The following NCOR2 variants were observed in gnomAD, a reference collection of about 807,000 sequenced individuals.
NCOR2 encodes nuclear receptor corepressor 2.
A neutral mutation model predicts 262.9 loss-of-function variants in NCOR2; 81 were observed. The ratio of observed to expected loss-of-function variants is 0.31; its 90% CI spans 0.26 to 0.37. The LOEUF (loss-of-function observed/expected upper bound fraction) is 0.37, where lower values mean the gene tolerates loss of function less well. Ranked by LOEUF, NCOR2 falls within the 10% of genes least tolerant of loss-of-function variation. The pLI is 1.00. For missense variants in NCOR2, 3,385 were observed against 3,621.4 expected (o/e 0.93, Z 1.68); for synonymous variants, 1,659 against 1,559.3 (o/e 1.06, Z -1.51).
chr12:124,384,174 C>A (rs1289396120), intron 17 of NCOR2, among the ~76,000 whole-genome samples: 2 of 152,256 alleles, frequency 1.3e-5, no homozygotes, highest in Non-Finnish European at 2.9e-5. Flanking sequence ...AGACTCCTGA[C>A]CTGGCTGACA....
intron 1 of NCOR2, among the ~76,000 whole-genome samples, chr12:124,505,312 TC>T (rs2048985534): frequency 6.6e-6 from 1 of 151,374 alleles, no homozygotes; most frequent in South Asian, 2.1e-4. Flanking sequence ...CATGGCCCGC[TC>T]CCCCTGCCAC....
At chr12:124,383,544 AAAG>A in intron 17 of NCOR2, 1 of 581,116 alleles carries the variant, frequency 1.7e-6, no homozygotes, top group Non-Finnish European at 2.3e-6. Flanking sequence ...AAAAAAAAAA[AAAG>A]AGGGGGCCTC....
At chr12:124,413,083 C>CGGAAG (rs2042673597) in intron 13 of NCOR2, among the ~76,000 whole-genome samples, 1 of 152,250 alleles carries the variant, frequency 6.6e-6, no homozygotes, top group Non-Finnish European at 1.5e-5. Context: ...TCCCCTCCCT[C>CGGAAG]GGGATCCCAC....
At chr12:124,446,999 C>T (rs2045216948) in intron 7 of NCOR2, among the ~76,000 whole-genome samples, 1 of 152,114 alleles carries the variant, frequency 6.6e-6, no homozygotes, top group African/African-American at 2.4e-5. Flanking sequence ...ACTGCAACCT[C>T]CATCTTCCAG....
At position 124,423,689 on chromosome 12, in the gene NCOR2, G is replaced by A. The variant is rs536663477; in HGVS notation, c.1329-1134C>T. ...CCTTCCCTGCAAACCCCTCCCACGG[G>A]GTTTCCCCAGGCACAGTGGGGGCTC... On this transcript the variant is annotated intron_variant, in intron 11 of 46. Transcript: ENST00000405201. Among the ~76,000 whole-genome samples, 5 of 152,268 alleles carry A rather than the reference G, an allele frequency of 3.3e-5. No individual in the cohort carries two copies. In the South Asian group the frequency reaches 1.0e-3, roughly 32 times the overall value.
upstream of NCOR2, among the ~76,000 whole-genome samples, chr12:124,539,881 C>T (rs1054175671): frequency 6.6e-6 from 1 of 152,164 alleles, no homozygotes; most frequent in Non-Finnish European, 1.5e-5. This position sits in a 1 kb window ranked among gnomAD's most constrained non-coding sequence, Gnocchi z 5.1. Flanking sequence ...CAACCTGACT[C>T]GTCCATTCGC....
At chr12:124,564,015 AATAAG>A (rs2052153846) in intron 1 of NCOR2, among the ~76,000 whole-genome samples, 1 of 152,244 alleles carries the variant, frequency 6.6e-6, no homozygotes, top group Admixed American at 6.5e-5. Flanking sequence ...CCATCTATAA[AATAAG>A]ATAATAAAAG....
intron 7 of NCOR2, among the ~76,000 whole-genome samples, chr12:124,445,732 A>G (rs1408321869): frequency 1.3e-5 from 2 of 152,164 alleles, no homozygotes; most frequent in East Asian, 3.8e-4. Context: ...AGCCTCCCCT[A>G]CTAGAATGTC....
chr12:124,369,529 C>T (rs930789026), intron 20 of NCOR2, among the ~76,000 whole-genome samples: 2 of 151,998 alleles, frequency 1.3e-5, no homozygotes, highest in African/African-American at 2.4e-5. Context: ...CCTACTCTGA[C>T]GCATCTCGTC....
At chr12:124,368,691 C>A (rs1054030925) in intron 20 of NCOR2, among the ~76,000 whole-genome samples, 1 of 152,230 alleles carries the variant, frequency 6.6e-6, no homozygotes, top group Non-Finnish European at 1.5e-5. Context: ...GCTCTCATTG[C>A]CCTCCAATGT....
rs536353923 is a variant in NCOR2 at position 124,336,482 on chromosome 12, G to A, written c.6115+271C>T. The A allele has an allele frequency of 5.2e-5, 34 of 647,640 alleles. No homozygotes were observed. The South Asian group carries it at 9.6e-4, about 18-fold the overall frequency. The allele number at this position is 647,640 out of a possible 1,614,324, so 40.1% of individuals were successfully genotyped here. ...CAAACCAGAGGGGCAGGCGCGGCCG[G>A]AGTAGTCGTCAGCGCGTGCAAACCG... On this transcript the variant is annotated intron_variant, in intron 38 of 46. Transcript: ENST00000405201.
chr12:124,369,753 G>A (rs905026248), intron 20 of NCOR2, among the ~76,000 whole-genome samples: 5 of 152,154 alleles, frequency 3.3e-5, no homozygotes, highest in South Asian at 2.1e-4. Flanking sequence ...TCCTGCACCC[G>A]GGGGCTGTGT....
intron 1 of NCOR2, among the ~76,000 whole-genome samples, chr12:124,532,615 C>T (rs534064451): frequency 6.6e-6 from 1 of 152,302 alleles, no homozygotes; most frequent in African/African-American, 2.4e-5. Context: ...TGCTTGCAGA[C>T]AAAAAGCCCT....
chr12:124,410,947 GGA>G (rs2042545595), intron 13 of NCOR2, among the ~76,000 whole-genome samples: 1 of 151,574 alleles, frequency 6.6e-6, no homozygotes, highest in South Asian at 2.1e-4. Flanking sequence ...GTGGGAGGGA[GGA>G]GAGAGAAAGG....
intron 7 of NCOR2, among the ~76,000 whole-genome samples, chr12:124,442,640 A>C (rs2136450397): frequency 6.6e-6 from 1 of 152,330 alleles, no homozygotes; most frequent in South Asian, 2.1e-4. Context: ...CGTGGTGAAG[A>C]CCATACAAAA....
At chr12:124,514,745 G>A (rs560713932) in intron 1 of NCOR2, 3 of 148,334 alleles carry the variant, frequency 2.0e-5, no homozygotes, top group East Asian at 2.0e-4. Flanking sequence ...CAGGAGGCAG[G>A]AGAATCGCTT....
exon 39 of NCOR2, chr12:124,335,601 C>G (rs1401481118): frequency 1.2e-6 from 2 of 1,606,132 alleles, no homozygotes; most frequent in Non-Finnish European, 1.7e-6. Flanking sequence ...CGGGCTCCAC[C>G]CCTTCGGGGC....
At chr12:124,355,486 G>A (rs1369731959) in exon 24 of NCOR2, 2 of 1,612,152 alleles carry the variant, frequency 1.2e-6, no homozygotes, top group East Asian at 4.5e-5. Context: ...TGGCAGAGGA[G>A]ATGAGGGGAG....
intron 4 of NCOR2, among the ~76,000 whole-genome samples, chr12:124,469,736 T>C (rs2046729870): frequency 6.6e-6 from 1 of 152,170 alleles, no homozygotes; most frequent in Admixed American, 6.5e-5. Context: ...ATCAAGGAGA[T>C]AATGCTGAAA....
Sources: allele counts gnomAD v4.1 joint callset (sites outside exome capture counted in the v4.1 genomes callset), GRCh38; gene constraint gnomAD v4.1.1; non-coding constraint Gnocchi (gnomAD v3.1); transcripts MANE v1.5; gene names NCBI Gene and HGNC (gene_info 2026-07-23, HGNC 2026-07-21).